Variants in KL observed in about 807,000 individuals in gnomAD.
The protein encoded by KL is klotho, also known as alpha-klotho.
In KL, 62 loss-of-function variants were observed where a neutral mutation model predicts 84.2. The ratio of observed to expected loss-of-function variants is 0.74; its 90% CI spans 0.60 to 0.91. The LOEUF (loss-of-function observed/expected upper bound fraction) is 0.91, where lower values mean the gene tolerates loss of function less well. KL is among the 40% of genes least tolerant of loss of function. The probability of loss-of-function intolerance (pLI) is 0.00; values close to 1 mark genes in which losing one functional copy is unlikely to be tolerated. For missense variants in KL, 1,261 were observed against 1,305.7 expected, an observed-to-expected ratio of 0.97 and a Z score of 0.53; for synonymous variants, 528 against 528.0, an observed-to-expected ratio of 1.00 and a Z score of 0.00.
chr13:33,051,105 AT>A (rs1555334681), intron 1 of KL, among the ~76,000 whole-genome samples: 1 of 152,156 alleles, frequency 6.6e-6, no homozygotes, highest in Non-Finnish European at 1.5e-5. Context: ...AGGGATACGC[AT>A]TCATGGAGAT....
Position 33,054,026 on chromosome 13 carries a change from T to C in KL, c.1079T>C (p.Ile360Thr). ...PDFTESEKKF[I>T]KGTADFFALC... The stretch of plus-strand genomic sequence containing the variant: ...TTTACTGAATCTGAGAAAAAGTTCA[T>C]CAAAGGAACTGCTGACTTTTTTGCT... Residue 360 changes from isoleucine (I) to threonine (T), a missense_variant, in exon 2 of 5, where the codon ATC (isoleucine) becomes ACC (threonine). Physicochemically the swap from Ile to Thr is moderately conservative, Grantham distance 89. Coordinates refer to ENST00000380099, the MANE Select transcript of KL (RefSeq NM_004795.4). The C allele has an allele frequency of 6.2e-7, 1 of 1,613,068 alleles. No individual in the cohort carries two copies. The highest frequency in any genetic ancestry group is 1.1e-5 in the South Asian group (1 of 91,070).
At chr13:33,059,152 C>A (rs1034499210) in intron 3 of KL, among the ~76,000 whole-genome samples, 2 of 152,210 alleles carry the variant, frequency 1.3e-5, no homozygotes, top group Admixed American at 1.3e-4. Context: ...CCTGTTCTAA[C>A]AGGATTATTT....
At chr13:33,037,549 C>G (rs138578929) in intron 1 of KL, among the ~76,000 whole-genome samples, 1 of 152,076 alleles carries the variant, frequency 6.6e-6, no homozygotes, top group Non-Finnish European at 1.5e-5. Context: ...TGTATCCATG[C>G]CTTTTGTCAT....
intron 3 of KL, among the ~76,000 whole-genome samples, chr13:33,058,191 A>C (rs1292849501): frequency 6.6e-6 from 1 of 152,172 alleles, no homozygotes; most frequent in East Asian, 1.9e-4. Flanking sequence ...GTTAGGAGAA[A>C]GTTTCTCCCA....
At chr13:33,036,723 A>G (rs1410526590) in intron 1 of KL, among the ~76,000 whole-genome samples, 1 of 152,172 alleles carries the variant, frequency 6.6e-6, no homozygotes, top group African/African-American at 2.4e-5. Context: ...TACCTTATTT[A>G]TGTTTACTAT....
chr13:33,040,818 A>G (rs1238942560), intron 1 of KL, among the ~76,000 whole-genome samples: 1 of 152,144 alleles, frequency 6.6e-6, no homozygotes, highest in Non-Finnish European at 1.5e-5. Flanking sequence ...TGTGACCTAA[A>G]TAGAACTTGA....
intron 1 of KL, among the ~76,000 whole-genome samples, chr13:33,039,251 T>C (rs1303479480): frequency 6.6e-6 from 1 of 152,256 alleles, no homozygotes; most frequent in Non-Finnish European, 1.5e-5. Flanking sequence ...ATAATTTATT[T>C]CATTTAATGT....
rs762177521 is a variant in KL, at chr13:33,016,732, C to T, written c.292C>T (p.Leu98=). 4.4e-5 allele frequency: 71 copies of T among 1,611,122 alleles called. No individual in the cohort carries two copies. The Admixed American group carries it at 1.2e-3, about 26-fold the overall frequency. ...SIWDTFTHHP[L]APPGDSRNAS... ...CTGGGATACGTTCACCCACCACCCC[C>T]TGGCACCCCCGGGAGACTCCCGGAA... Residue 98 remains leucine (L), a synonymous_variant, in exon 1 of 5, where the codon CTG becomes TTG. Transcript: ENST00000380099.
In KL at chr13:33,054,242, AT is replaced by A. The variant is rs1460244214; in HGVS notation, c.1297del (p.Tyr433ThrfsTer10). ...AAGAGAGATGATGCCAAATATATGT[AT>A]TACCTCAAAAAGTTCATCATGGAAA... Reference protein sequence around the residue: ...TTKRDDAKYMYYLKKFIMETL... With the variant: ...TTKRDDAKYMXYLKKFIMETL... On this transcript the variant is annotated frameshift_variant, in exon 2 of 5. Transcript: ENST00000380099. LOFTEE classifies it high-confidence loss of function. 1 of 1,613,826 alleles carries A rather than the reference AT, an allele frequency of 6.2e-7. No individual in the cohort carries two copies. Among genetic ancestry groups the A allele is most frequent in the South Asian group, 1.1e-5 (1 of 91,066 alleles).
chr13:33,045,826 A>G (rs930867502), intron 1 of KL, among the ~76,000 whole-genome samples: 4 of 152,180 alleles, frequency 2.6e-5, no homozygotes, highest in Middle Eastern at 6.8e-3. Context: ...TTCTAGTCGT[A>G]GTTTTCTGAG....
In KL at chr13:33,061,223, A is replaced by G. The variant is rs781426040; in HGVS notation, c.2144A>G (p.Asn715Ser). The change falls in exon 4 of 5, where the codon AAT becomes AGT. Residue 715 changes from asparagine to serine, a missense_variant. Transcript: ENST00000380099. ...CATGCCCTGGCTTGGCATGTGTACA[A>G]TGAAAAGTTTAGGCATGCTCAGAAT... is the stretch of plus-strand genomic sequence containing the variant. ...KAHALAWHVYNEKFRHAQNGK... is the reference protein window; with the variant it reads ...KAHALAWHVYSEKFRHAQNGK... 16 of 1,614,144 alleles carry G rather than the reference A, an allele frequency of 9.9e-6. No homozygotes were observed. Among genetic ancestry groups the G allele is most frequent in the East Asian group, 2.2e-5 (1 of 44,898 alleles).
rs151050969 is a variant in KL, at chr13:33,017,124, C to A, written c.684C>A (p.Gly228=). ...DYAELCFRHF[G]GQVKYWITID... ...CGGAGCTCTGCTTCCGCCACTTCGG[C>A]GGTCAGGTCAAGTACTGGATCACCA... Residue 228 remains glycine (G), a synonymous_variant, in exon 1 of 5, where the codon GGC becomes GGA. Coordinates refer to ENST00000380099, the MANE Select transcript of KL (RefSeq NM_004795.4). The A allele has an allele frequency of 2.8e-4, 450 of 1,604,094 alleles. 1 individual carries two copies. The highest frequency in any genetic ancestry group is 3.5e-4 in the Non-Finnish European group (409 of 1,179,776).
intron 1 of KL, among the ~76,000 whole-genome samples, chr13:33,043,994 T>A (rs1871433001): frequency 6.6e-6 from 1 of 152,210 alleles, no homozygotes; most frequent in Admixed American, 6.5e-5. Flanking sequence ...AGCTTTTAGC[T>A]TTGGATCTAT....
chr13:33,057,571 T>C (rs1435991952), intron 3 of KL, among the ~76,000 whole-genome samples: 2 of 152,116 alleles, frequency 1.3e-5, no homozygotes, highest in African/African-American at 4.8e-5. Flanking sequence ...CACGGTCCTT[T>C]TTTCCTCATC....
intron 3 of KL, 79 bp from the exon 4 acceptor site, chr13:33,060,600 A>C: frequency 6.6e-7 from 1 of 1,514,244 alleles, no homozygotes; most frequent in Non-Finnish European, 9.2e-7. Context: ...ATTCCTGGCT[A>C]GTTTTGCTGA....
intron 1 of KL, among the ~76,000 whole-genome samples, chr13:33,053,480 A>C (rs1452923491): frequency 1.3e-5 from 2 of 152,340 alleles, no homozygotes; most frequent in East Asian, 3.9e-4. Flanking sequence ...AAATTCTTTT[A>C]TTTCATTAGC....
chr13:33,055,104 G>T lies in KL; in HGVS notation c.1388G>T (p.Gly463Val). The T allele has an allele frequency of 6.2e-7, 1 of 1,614,160 alleles. No individual in the cohort carries two copies. The highest frequency in any genetic ancestry group is 8.5e-7 in the Non-Finnish European group (1 of 1,180,040). ...TATACCGCATGGTCCCTCATGGATG[G>T]TTTCGAGTGGCACAGAGGTTACAGC... Reference protein sequence around the residue: ...IGYTAWSLMDGFEWHRGYSIR... With the variant: ...IGYTAWSLMDVFEWHRGYSIR... The change falls in exon 3 of 5, where the codon GGT becomes GTT. Residue 463 changes from glycine to valine, a missense_variant. Gly to Val is a moderately radical substitution (Grantham distance 109, BLOSUM62 -3). Transcript: ENST00000380099.
At chr13:33,026,305 A>G (rs1232173995) in intron 1 of KL, among the ~76,000 whole-genome samples, 1 of 152,244 alleles carries the variant, frequency 6.6e-6, no homozygotes, top group Non-Finnish European at 1.5e-5. Context: ...AATTCTTATT[A>G]GTTCAATTCT....
chr13:33,060,913 A>C lies in KL; in HGVS notation c.1834A>C (p.Asn612His). ...ILPLGNQSQV[N>H]HTILQYYRCM... The stretch of plus-strand genomic sequence containing the variant: ...CCCTCTGGGTAACCAGTCCCAGGTG[A>C]ACCACACCATCCTGCAGTACTATCG... The change falls in exon 4 of 5, where the codon AAC (asparagine) becomes CAC (histidine). Residue 612 changes from asparagine to histidine, a missense_variant. Coordinates refer to ENST00000380099, the MANE Select transcript of KL (RefSeq NM_004795.4). The C allele has an allele frequency of 6.2e-7, 1 of 1,614,152 alleles. No homozygotes were observed. The highest frequency in any genetic ancestry group is 8.5e-7 in the Non-Finnish European group (1 of 1,179,980).
Sources: allele counts gnomAD v4.1 joint callset (sites outside exome capture counted in the v4.1 genomes callset), GRCh38; gene constraint gnomAD v4.1.1; transcripts MANE v1.5; gene names NCBI Gene and HGNC (gene_info 2026-07-23, HGNC 2026-07-21).